Variants in SYNE1 observed in about 807,000 individuals in gnomAD.
SYNE1 encodes the protein spectrin repeat containing nuclear envelope protein 1, also known as nesprin-1.
In SYNE1, 616 loss-of-function variants were observed where a neutral mutation model predicts 1,111.0. The observed-to-expected ratio is 0.55, with a 90% CI of 0.52 to 0.59. The LOEUF is 0.59. Among genes scored for constraint, SYNE1 ranks in the 20% least tolerant of loss-of-function variants. The probability of loss-of-function intolerance (pLI) is 0.00; values close to 1 mark genes in which losing one functional copy is unlikely to be tolerated. For missense variants in SYNE1, 10,006 were observed against 10,417.0 expected, an observed-to-expected ratio of 0.96 and a Z score of 1.72; for synonymous variants, 3,855 against 3,825.8, an observed-to-expected ratio of 1.01 and a Z score of -0.28.
chr6:152,207,907 G>C, intron 125 of SYNE1, 65 bp downstream of exon 125: 1 of 1,542,604 alleles, frequency 6.5e-7, no homozygotes, highest in East Asian at 2.3e-5. Context: ...GAAAAACCGA[G>C]GCGAAGGTAA....
intron 46 of SYNE1, 73 bp downstream of exon 46, chr6:152,404,134 CACAGAG>C (rs2097860261): frequency 4.3e-6 from 4 of 920,082 alleles, no homozygotes; most frequent in Non-Finnish European, 7.2e-6. Context: ...CACACACACA[CACAGAG>C]ACAGAGAAAG....
chr6:152,152,050 G>C lies in SYNE1; in HGVS notation c.24221C>G (p.Ser8074Ter), dbSNP rs1586296730. Residue 8074 changes from serine (S) to a stop codon, truncating the protein, a stop_gained, in exon 134 of 146, where the codon TCA becomes TGA. Transcript: ENST00000367255. LOFTEE classifies it high-confidence loss of function. The stretch of plus-strand genomic sequence containing the variant: ...AACCATCTGTTTGAGGCTACATGCT[G>C]AATCAGTGCGGTTCTCCCTGGCCAG... ...RRLARENRTD[S>*]ACSLKQMVHE... 1 of 1,614,200 alleles carries C rather than the reference G, an allele frequency of 6.2e-7. No homozygotes were observed. Among genetic ancestry groups the C allele is most frequent in the Non-Finnish European group, 8.5e-7 (1 of 1,180,034 alleles).
intron 128 of SYNE1, among the ~76,000 whole-genome samples, chr6:152,184,895 C>A (rs2069362337): frequency 1.3e-5 from 2 of 152,078 alleles, no homozygotes; most frequent in South Asian, 4.1e-4. Context: ...ATTACCATCT[C>A]TTTCTTTGGA....
chr6:152,487,779 A>G (rs752738014), intron 12 of SYNE1, among the ~76,000 whole-genome samples: 1 of 152,178 alleles, frequency 6.6e-6, no homozygotes, highest in Non-Finnish European at 1.5e-5. Flanking sequence ...TGAGATCTAT[A>G]AGATCATGAG....
chr6:152,346,749 G>A (rs1410341008), intron 73 of SYNE1, among the ~76,000 whole-genome samples: 1 of 152,116 alleles, frequency 6.6e-6, no homozygotes, highest in Non-Finnish European at 1.5e-5. Flanking sequence ...GGCGGAGCTT[G>A]CAGTGAGCCG....
At chr6:152,281,107 C>A (rs1345210259) in intron 97 of SYNE1, among the ~76,000 whole-genome samples, 1 of 152,120 alleles carries the variant, frequency 6.6e-6, no homozygotes, top group African/African-American at 2.4e-5. Flanking sequence ...AATGAAAAAG[C>A]TTTTAAGGTA....
At chr6:152,163,515 A>G (rs983051284) in intron 131 of SYNE1, among the ~76,000 whole-genome samples, 12 of 151,192 alleles carry the variant, frequency 7.9e-5, no homozygotes, top group Non-Finnish European at 5.9e-5. Context: ...AAAAAAAAAA[A>G]AAAGAAAGAA....
At chr6:152,422,425 T>C (rs961877642) in intron 39 of SYNE1, among the ~76,000 whole-genome samples, 28 of 152,194 alleles carry the variant, frequency 1.8e-4, no homozygotes, top group Admixed American at 5.9e-4. Flanking sequence ...TGCAACAATA[T>C]ATTTCAGTTT....
chr6:152,539,674 G>A (rs1204143098), intron 4 of SYNE1, among the ~76,000 whole-genome samples: 1 of 152,126 alleles, frequency 6.6e-6, no homozygotes, highest in Non-Finnish European at 1.5e-5. Flanking sequence ...CTTTTGATAT[G>A]ACACACACAT....
chr6:152,206,489 G>T (rs756146148), intron 125 of SYNE1, 127 bp from the exon 126 acceptor site: 3 of 885,210 alleles, frequency 3.4e-6, no homozygotes, highest in South Asian at 1.5e-5. Context: ...GTGGTGCTTT[G>T]CACATGCATG....
At chr6:152,275,444 T>C (rs539062455) in intron 98 of SYNE1, among the ~76,000 whole-genome samples, 2 of 152,364 alleles carry the variant, frequency 1.3e-5, no homozygotes, top group African/African-American at 4.8e-5. Context: ...TGTCCACTGA[T>C]TTGTAATGCC....
rs143737975 is a variant in SYNE1 at position 152,438,977 on chromosome 6, C to T, written c.4149+2153G>A. Among the ~76,000 whole-genome samples, 57 of 152,270 alleles carry T rather than the reference C, an allele frequency of 3.7e-4. 1 individual carries two copies. The East Asian group carries it at 9.8e-3, about 26-fold the overall frequency. On this transcript the variant is annotated intron_variant, in intron 32 of 145. Coordinates refer to ENST00000367255, the MANE Select transcript of SYNE1 (RefSeq NM_182961.4). ...ATCCCAACCTCACTATTTAGTGATC[C>T]GCAGATCTTGAGTGAGTTCATCACC...
chr6:152,524,385 G>A (rs2099153973), intron 5 of SYNE1, among the ~76,000 whole-genome samples: 1 of 151,998 alleles, frequency 6.6e-6, no homozygotes, highest in Non-Finnish European at 1.5e-5. Flanking sequence ...CACTTAGAAT[G>A]ACACATAAAC....
chr6:152,169,993 C>T (rs77677138), intron 130 of SYNE1, among the ~76,000 whole-genome samples: 4,034 of 152,032 alleles, frequency 0.027, 101 homozygotes, highest in East Asian at 0.12. Flanking sequence ...TATGAATCTA[C>T]CACTATAGGC....
At chr6:152,226,551 T>C (rs2081612824) in intron 115 of SYNE1, among the ~76,000 whole-genome samples, 1 of 152,184 alleles carries the variant, frequency 6.6e-6, no homozygotes, top group Non-Finnish European at 1.5e-5. Context: ...GTATAAAATG[T>C]TCAAGAATGA....
At chr6:152,122,769 C>T in intron 145 of SYNE1, 93 bp from the exon 146 acceptor site, 1 of 1,589,212 alleles carries the variant, frequency 6.3e-7, no homozygotes, top group Non-Finnish European at 8.5e-7. Context: ...GCTAAAGGGC[C>T]ATGCCAAGCA....
At chr6:152,574,335 T>G (rs958926650) in intron 3 of SYNE1, among the ~76,000 whole-genome samples, 2 of 151,470 alleles carry the variant, frequency 1.3e-5, no homozygotes, top group Admixed American at 1.3e-4. Context: ...ATCTGGAGAG[T>G]TGCCTCAGAA....
At chr6:152,212,454 T>C (rs2077704051) in intron 123 of SYNE1, among the ~76,000 whole-genome samples, 1 of 152,190 alleles carries the variant, frequency 6.6e-6, no homozygotes. Flanking sequence ...CATATATCAG[T>C]ACCTTATTCC....
chr6:152,220,401 G>C (rs894270811), intron 119 of SYNE1, among the ~76,000 whole-genome samples: 1 of 152,160 alleles, frequency 6.6e-6, no homozygotes, highest in Non-Finnish European at 1.5e-5. Context: ...AGTAAATTAG[G>C]AGAGAAAGAC....
Sources: allele counts gnomAD v4.1 joint callset (sites outside exome capture counted in the v4.1 genomes callset), GRCh38; gene constraint gnomAD v4.1.1; transcripts MANE v1.5; gene names NCBI Gene and HGNC (gene_info 2026-07-23, HGNC 2026-07-21).